Variants in AK7 observed in about 807,000 individuals in gnomAD.
The protein encoded by AK7 is ATP-AMP transphosphorylase 7.
AK7 carries 78 observed loss-of-function variants against 96.6 expected under a neutral mutation model. The ratio of observed to expected loss-of-function variants is 0.81; its 90% CI spans 0.67 to 0.97. AK7 has a LOEUF of 0.97. Among genes scored for constraint, AK7 ranks in the 50% least tolerant of loss-of-function variants. AK7 has a pLI of 0.00. For missense variants in AK7, 855 were observed against 887.9 expected (o/e 0.96, Z 0.47); for synonymous variants, 302 against 317.2 (o/e 0.95, Z 0.51).
In AK7 at chr14:96,414,412, G is replaced by A. The variant is rs1019869547; in HGVS notation, c.498+5471G>A. ...AGGAAATCAGTCTGGTTTAGTCTCTGGCACAGAGGAAAGATGGCCAGGAGA... is the reference window on the plus strand; with the variant it reads ...AGGAAATCAGTCTGGTTTAGTCTCTAGCACAGAGGAAAGATGGCCAGGAGA... On this transcript the variant is annotated intron_variant, in intron 4 of 17. Coordinates refer to ENST00000267584, the MANE Select transcript of AK7 (RefSeq NM_152327.5). 3.3e-5 allele frequency among the ~76,000 whole-genome samples: 5 copies of A among 152,216 alleles called. No individual in the cohort carries two copies. In the East Asian group the frequency reaches 9.6e-4, roughly 29 times the overall value.
intron 12 of AK7, 42 bp from the exon 13 acceptor site, chr14:96,471,436 G>T (rs1323765344): frequency 4.9e-6 from 5 of 1,020,434 alleles, no homozygotes; most frequent in Non-Finnish European, 5.3e-6. Context: ...CTTAGAATGT[G>T]ATACATTATA....
At chr14:96,430,758 G>A (rs1231791431) in intron 5 of AK7, among the ~76,000 whole-genome samples, 6 of 152,140 alleles carry the variant, frequency 3.9e-5, no homozygotes, top group African/African-American at 1.4e-4. Context: ...TCTCTGCCAG[G>A]CTTTGTTATC....
Position 96,448,630 on chromosome 14 carries a change from TAAAAAAAAAAAAAA to T in AK7, c.871-1151_871-1138del, listed in dbSNP as rs71103528. 6.3e-3 allele frequency among the ~76,000 whole-genome samples: 475 copies of T among 74,896 alleles called. 7 individuals are homozygous for T. Among genetic ancestry groups the T allele is most frequent in the African/African-American group, 0.015 (385 of 25,988 alleles). The allele number at this position is 74,896 out of a possible 152,430, so 49.1% of individuals were successfully genotyped here. A position where few individuals can be genotyped will look rare whatever the true frequency, so the allele number is the denominator to read the frequency against. On this transcript the variant is annotated intron_variant, in intron 8 of 17. Transcript: ENST00000267584. ...GGGCAATAGAACAAGACCCTATCTCTAAAAAAAAAAAAAAAAAAAAAAAAAAAAAAAAAATTACG... is the reference window on the plus strand; with the variant it reads ...GGGCAATAGAACAAGACCCTATCTCTAAAAAAAAAAAAAAAAAAAATTACG...
chr14:96,450,584 A>G (rs890571163), intron 9 of AK7, among the ~76,000 whole-genome samples: 15 of 145,158 alleles, frequency 1.0e-4, no homozygotes, highest in East Asian at 8.1e-4. Flanking sequence ...AAAAAAAAAT[A>G]GGGTTTTTTG....
At chr14:96,487,523 G>A (rs1454831548) in intron 17 of AK7, among the ~76,000 whole-genome samples, 6 of 143,972 alleles carry the variant, frequency 4.2e-5, no homozygotes, top group African/African-American at 1.3e-4. Flanking sequence ...TCCACCTCCC[G>A]GTTCAAGTGA....
At chr14:96,463,485 C>T (rs564717453) in intron 12 of AK7, among the ~76,000 whole-genome samples, 15 of 151,888 alleles carry the variant, frequency 9.9e-5, no homozygotes, top group East Asian at 3.9e-4. Flanking sequence ...TTTGGGAGGC[C>T]GAGGCGGGCG....
intron 9 of AK7, among the ~76,000 whole-genome samples, 162 bp downstream of exon 9, chr14:96,450,041 C>CA (rs1893498714): frequency 6.6e-6 from 1 of 152,116 alleles, no homozygotes; most frequent in East Asian, 1.9e-4. Flanking sequence ...TCTCCTACCA[C>CA]ACCACCAGAT....
chr14:96,458,526 G>A (rs1894065288), intron 12 of AK7, among the ~76,000 whole-genome samples: 1 of 152,054 alleles, frequency 6.6e-6, no homozygotes, highest in African/African-American at 2.4e-5. Context: ...TGGATCACCT[G>A]AGGTCATGAG....
In AK7 at chr14:96,420,819, T is replaced by A; in HGVS notation, c.499-3T>A. 6.3e-7 allele frequency: 1 copy of A among 1,599,548 alleles called. No individual in the cohort carries two copies. The highest frequency in any genetic ancestry group is 8.6e-7 in the Non-Finnish European group (1 of 1,168,152). On this transcript the variant is annotated splice_polypyrimidine_tract_variant and splice_region_variant and intron_variant, in intron 4 of 17. Coordinates refer to ENST00000267584, the MANE Select transcript of AK7 (RefSeq NM_152327.5). ...TGTACCTTTTCTTTCTTTCTTATAA[T>A]AGGAGGATTCTGAGGTTCCATTCAC...
intron 3 of AK7, among the ~76,000 whole-genome samples, chr14:96,405,440 T>C (rs1326447901): frequency 1.3e-5 from 2 of 151,918 alleles, no homozygotes. Context: ...AGCCTCAGCC[T>C]CCCAAAGCAC....
chr14:96,454,065 G>T (rs112115841), intron 10 of AK7, among the ~76,000 whole-genome samples: 2,031 of 152,210 alleles, frequency 0.013, 59 homozygotes, highest in African/African-American at 0.046. Context: ...ACGCGCCAGA[G>T]CCATCCATCA....
chr14:96,403,235 C>T (rs945569274), intron 2 of AK7, among the ~76,000 whole-genome samples: 3 of 152,108 alleles, frequency 2.0e-5, no homozygotes, highest in South Asian at 4.1e-4. Context: ...AGATGGCACA[C>T]AGGTAGAACA....
At chr14:96,395,519 C>A (rs935325536) in intron 1 of AK7, among the ~76,000 whole-genome samples, 4 of 151,672 alleles carry the variant, frequency 2.6e-5, no homozygotes, top group Admixed American at 6.6e-5. Context: ...GTACAAAAAA[C>A]GGAGGTGATA....
intron 8 of AK7, among the ~76,000 whole-genome samples, chr14:96,447,848 A>G (rs1003812359): frequency 2.8e-4 from 42 of 152,314 alleles, no homozygotes; most frequent in African/African-American, 8.2e-4. Flanking sequence ...TGGCTAAAGC[A>G]GCTACCATGC....
At chr14:96,425,697 T>G (rs1891989348) in intron 5 of AK7, among the ~76,000 whole-genome samples, 1 of 152,252 alleles carries the variant, frequency 6.6e-6, no homozygotes, top group Non-Finnish European at 1.5e-5. Context: ...CTGGCCAGGC[T>G]GGTCTTGAAC....
intron 1 of AK7, among the ~76,000 whole-genome samples, chr14:96,393,149 G>A (rs1468744915): frequency 6.6e-6 from 1 of 152,090 alleles, no homozygotes; most frequent in East Asian, 1.9e-4. Flanking sequence ...GGGCTCTGGG[G>A]CCCTTCATGC....
chr14:96,455,154 T>G (rs1364253475), intron 10 of AK7, among the ~76,000 whole-genome samples: 1 of 150,976 alleles, frequency 6.6e-6, no homozygotes, highest in Non-Finnish European at 1.5e-5. Context: ...GCAACAAGAG[T>G]GAAACTCTGT....
At chr14:96,396,439 A>C (rs1890088703) in intron 1 of AK7, among the ~76,000 whole-genome samples, 1 of 152,214 alleles carries the variant, frequency 6.6e-6, no homozygotes, top group African/African-American at 2.4e-5. Context: ...AGTTTCCTCA[A>C]CTGTGAAAGA....
chr14:96,450,597 G>T (rs1039589732), intron 9 of AK7, among the ~76,000 whole-genome samples: 2 of 151,174 alleles, frequency 1.3e-5, no homozygotes, highest in Non-Finnish European at 2.9e-5. Context: ...GTTTTTTGCA[G>T]TGTGCTTTTC....
Sources: gnomAD v4.1 joint callset for allele counts (sites outside exome capture counted in the v4.1 genomes callset) on GRCh38, gnomAD v4.1.1 for gene constraint, MANE v1.5 for transcripts, NCBI Gene and HGNC (gene_info 2026-07-23, HGNC 2026-07-21) for gene names.